The following PNPLA5 variants were observed in gnomAD, a reference collection of about 807,000 sequenced individuals.
PNPLA5 encodes patatin like domain 5, triacylglycerol lipase.
PNPLA5 carries 44 observed loss-of-function variants against 49.1 expected under a neutral mutation model. The ratio of observed to expected loss-of-function variants is 0.90; its 90% CI spans 0.70 to 1.15. PNPLA5 has a LOEUF of 1.15. Among genes scored for constraint, PNPLA5 ranks in the 50% most tolerant of loss-of-function variants. PNPLA5 has a pLI of 0.00. For missense variants in PNPLA5, 603 were observed against 564.0 expected, an observed-to-expected ratio of 1.07 and a Z score of -0.70; for synonymous variants, 243 against 244.4, an observed-to-expected ratio of 0.99 and a Z score of 0.06.
chr22:43,884,489 G>T, intron 6 of PNPLA5, 144 bp from the exon 7 acceptor site: 1 of 1,191,166 alleles, frequency 8.4e-7, no homozygotes, highest in Non-Finnish European at 1.1e-6. Context: ...CCCCACCACA[G>T]GCCAGCAGGT....
intron 2 of PNPLA5, among the ~76,000 whole-genome samples, chr22:43,890,545 A>T (rs1228633956): frequency 1.3e-5 from 2 of 152,176 alleles, no homozygotes; most frequent in Non-Finnish European, 2.9e-5. Context: ...ATTTCATTTC[A>T]ATACTGGATG....
At chr22:43,887,789 G>A (rs2049681085) in intron 4 of PNPLA5, 138 bp from the exon 5 acceptor site, 2 of 1,411,494 alleles carry the variant, frequency 1.4e-6, no homozygotes, top group African/African-American at 1.5e-5. Context: ...ATTCAACAGG[G>A]CTCAGGGCAG....
intron 5 of PNPLA5, 29 bp from the exon 6 acceptor site, chr22:43,886,517 C>A: frequency 1.3e-6 from 2 of 1,590,422 alleles, no homozygotes; most frequent in South Asian, 1.1e-5. Context: ...GAGGATAAGT[C>A]AAGCATCTGA....
rs1337689613 is a variant in PNPLA5, at chr22:43,891,716, T to C, written c.165A>G (p.Ala55=). 3 of 1,547,914 alleles carry C rather than the reference T, an allele frequency of 1.9e-6. No individual in the cohort carries two copies. The highest frequency in any genetic ancestry group is 1.2e-5 in the South Asian group (1 of 83,884). ...IYGSSSGALN[A]VSIVCGKSVD... ...CCGACTTGCCGCAGACGATGCTGAC[T>C]GCGTTGAGCGCCCCAGACGAGGAAC... Residue 55 remains alanine (A), a synonymous_variant, in exon 1 of 9, where the codon GCA becomes GCG. Coordinates refer to ENST00000216177, the MANE Select transcript of PNPLA5 (RefSeq NM_138814.4).
intron 7 of PNPLA5, 59 bp downstream of exon 7, chr22:43,884,154 A>G: frequency 1.9e-6 from 2 of 1,045,368 alleles, no homozygotes; most frequent in Non-Finnish European, 2.5e-6. Flanking sequence ...CCCTCCTGCC[A>G]TGGGCACCAG....
In PNPLA5 at chr22:43,879,710, G is replaced by A. The variant is rs755884917; in HGVS notation, c.*1085C>T. 2.0e-5 allele frequency: 3 copies of A among 152,130 alleles called. No homozygotes were observed. Among genetic ancestry groups the A allele is most frequent in the African/African-American group, 4.8e-5 (2 of 41,420 alleles). 9.4% of individuals were successfully genotyped at this position (152,130 alleles called of 1,614,324 possible). A position where few individuals can be genotyped will look rare whatever the true frequency, so the allele number is the denominator to read the frequency against. ...CTTATTGTCTCTTTATTTATTTAGA[G>A]ACAGGGGCTCACTTTGTTGCCTGGG... On this transcript the variant is annotated 3_prime_UTR_variant, in exon 9 of 9. Transcript: ENST00000216177.
Position 43,891,753 on chromosome 22 carries a change from CG to C in PNPLA5, c.127del (p.Arg43AlafsTer39). 6.5e-7 allele frequency: 1 copy of C among 1,541,892 alleles called. No homozygotes were observed. The highest frequency in any genetic ancestry group is 8.7e-7 in the Non-Finnish European group (1 of 1,144,146). On this transcript the variant is annotated frameshift_variant, in exon 1 of 9. Transcript: ENST00000216177. LOFTEE classifies it high-confidence loss of function. Reference sequence around the variant, plus strand: ...CCCAGACGAGGAACCGTAGATGCGGCGGGCGCCCTGGAGGAGGCGCGGGGCT... The same window carrying C: ...CCCAGACGAGGAACCGTAGATGCGGCGGCGCCCTGGAGGAGGCGCGGGGCT... ...QRAPRLLQGA[R>X]RIYGSSSGAL...
chr22:43,884,269 CGTCAGCACCT>C lies in PNPLA5; in HGVS notation c.1016_1025del (p.Gln339ArgfsTer39). ...GCAGTGTGCAGGGTAGCAGCAGGTACGTCAGCACCTGTCCAGGCCCCGAGTGCCAGAAGCG... is the reference window on the plus strand; with the variant it reads ...GCAGTGTGCAGGGTAGCAGCAGGTACGTCCAGGCCCCGAGTGCCAGAAGCG... On this transcript the variant is annotated frameshift_variant, in exon 7 of 9. Transcript: ENST00000216177. LOFTEE classifies it high-confidence loss of function. The C allele has an allele frequency of 6.3e-7, 1 of 1,598,144 alleles. No individual in the cohort carries two copies. Among genetic ancestry groups the C allele is most frequent in the Non-Finnish European group, 8.5e-7 (1 of 1,172,186 alleles).
Position 43,891,178 on chromosome 22 carries a change from G to A in PNPLA5, c.310C>T (p.Leu104=). 1.3e-6 allele frequency: 2 copies of A among 1,597,682 alleles called. No individual in the cohort carries two copies. The highest frequency in any genetic ancestry group is 1.3e-5 in the African/African-American group (1 of 74,820). Reference sequence around the variant, plus strand: ...GCCAGGACGTGGGCGTCGGGGGGCAGAGCATCCTGCAGCTGCTGCTTGACG... The same window carrying A: ...GCCAGGACGTGGGCGTCGGGGGGCAAAGCATCCTGCAGCTGCTGCTTGACG... ...EHVKQQLQDA[L]PPDAHVLASQ... The change falls in exon 2 of 9, where the codon CTG becomes TTG. Residue 104 remains leucine, a synonymous_variant. Transcript: ENST00000216177.
At chr22:43,891,037 G>A (rs762263220) in intron 2 of PNPLA5, 25 bp downstream of exon 2, 2 of 1,592,918 alleles carry the variant, frequency 1.3e-6, no homozygotes, top group East Asian at 2.3e-5. Flanking sequence ...CACCAGCCAA[G>A]CCCTGGGCAC....
At chr22:43,890,489 A>C (rs2049711509) in intron 2 of PNPLA5, among the ~76,000 whole-genome samples, 2 of 152,222 alleles carry the variant, frequency 1.3e-5, no homozygotes, top group Non-Finnish European at 1.5e-5. Context: ...ACTATTGGCA[A>C]ATAATAGTGT....
Position 43,891,153 on chromosome 22 carries a change from G to T in PNPLA5, c.335C>A (p.Ala112Asp), listed in dbSNP as rs1452198808. 1 of 1,603,186 alleles carries T rather than the reference G, an allele frequency of 6.2e-7. No homozygotes were observed. Among genetic ancestry groups the T allele is most frequent in the East Asian group, 2.3e-5 (1 of 44,252 alleles). Residue 112 changes from alanine to aspartate, a missense_variant, in exon 2 of 9, where the codon GCC becomes GAC. Ala to Asp is a moderately radical substitution (Grantham distance 126). Coordinates refer to ENST00000216177, the MANE Select transcript of PNPLA5 (RefSeq NM_138814.4). ...CAGCGAAATGCCCAGCCGCTGGGAGGCCAGGACGTGGGCGTCGGGGGGCAG... is the reference window on the plus strand; with the variant it reads ...CAGCGAAATGCCCAGCCGCTGGGAGTCCAGGACGTGGGCGTCGGGGGGCAG... Reference protein sequence around the residue: ...DALPPDAHVLASQRLGISLTR... With the variant: ...DALPPDAHVLDSQRLGISLTR...
In PNPLA5 at chr22:43,880,863, C is replaced by T. The variant is rs202194830; in HGVS notation, c.1222G>A (p.Glu408Lys). 5.2e-6 allele frequency: 7 copies of T among 1,338,388 alleles called. No homozygotes were observed. Among genetic ancestry groups the T allele is most frequent in the Non-Finnish European group, 6.8e-6 (7 of 1,036,734 alleles). The allele number at this position is 1,338,388 out of a possible 1,614,324, so 82.9% of individuals were successfully genotyped here. A position where few individuals can be genotyped will look rare whatever the true frequency, so the allele number is the denominator to read the frequency against. Residue 408 changes from glutamate to lysine, a missense_variant, in exon 9 of 9, where the codon GAA (glutamate) becomes AAA (lysine). Physicochemically the swap from Glu to Lys is moderately conservative, Grantham distance 56 (BLOSUM62 1). Coordinates refer to ENST00000216177, the MANE Select transcript of PNPLA5 (RefSeq NM_138814.4). Reference protein sequence around the residue: ...PISPPATRVLETSPLQPQIAP... With the variant: ...PISPPATRVLKTSPLQPQIAP... ...ATCTGGGGTTGGAGGGGGCTTGTTT[C>T]CAGGACGCGAGTGGCCGGAGGGCTG... is the stretch of plus-strand genomic sequence containing the variant.
intron 2 of PNPLA5, 22 bp downstream of exon 2, chr22:43,891,040 C>T: frequency 1.3e-6 from 2 of 1,595,248 alleles, no homozygotes; most frequent in Non-Finnish European, 1.7e-6. Context: ...CAGCCAAGCC[C>T]TGGGCACCCC....
In PNPLA5 at chr22:43,880,474, G is replaced by A. The variant is rs377320017; in HGVS notation, c.*321C>T. The A allele has an allele frequency of 7.5e-6, 3 of 398,702 alleles. No individual in the cohort carries two copies. Among genetic ancestry groups the A allele is most frequent in the Admixed American group, 4.4e-5 (1 of 22,714 alleles). 24.7% of individuals were successfully genotyped at this position (398,702 alleles called of 1,614,324 possible). On this transcript the variant is annotated 3_prime_UTR_variant, in exon 9 of 9. Transcript: ENST00000216177. ...TGAGGTGCTCCGTGGGCAGCTCCAC[G>A]GCAGAACAGGAGCCCCTCTCCCCAG...
At chr22:43,891,389 G>A (rs1225956490) in intron 1 of PNPLA5, 95 bp from the exon 2 acceptor site, 47 of 1,441,398 alleles carry the variant, frequency 3.3e-5, no homozygotes, top group Non-Finnish European at 3.9e-5. Context: ...GTGGGAGCGG[G>A]GTCCTCCCCA....
At position 43,889,466 on chromosome 22, in the gene PNPLA5, A is replaced by C; in HGVS notation, c.565T>G (p.Phe189Val). ...GGGCAGATGTCCACTGTCCCATGGA[A>C]GGGCGACACCGTGATGGTGGAGGGG... is the stretch of plus-strand genomic sequence containing the variant. Reference protein sequence around the residue: ...DCPSTITVSPFHGTVDICPQS... With the variant: ...DCPSTITVSPVHGTVDICPQS... The change falls in exon 4 of 9, where the codon TTC (phenylalanine) becomes GTC (valine). Residue 189 changes from phenylalanine (F) to valine (V), a missense_variant. By Grantham distance (50) the Phe-to-Val change is conservative (BLOSUM62 -1). Coordinates refer to ENST00000216177, the MANE Select transcript of PNPLA5 (RefSeq NM_138814.4). 1 of 1,613,892 alleles carries C rather than the reference A, an allele frequency of 6.2e-7. No homozygotes were observed. Among genetic ancestry groups the C allele is most frequent in the Middle Eastern group, 1.7e-4 (1 of 6,060 alleles).
At chr22:43,884,590 C>G (rs981236463) in intron 6 of PNPLA5, among the ~76,000 whole-genome samples, 1 of 152,152 alleles carries the variant, frequency 6.6e-6, no homozygotes. Context: ...AGTGACTTGC[C>G]TAAGGACCAT....
At chr22:43,886,826 T>C (rs1225242981) in intron 5 of PNPLA5, among the ~76,000 whole-genome samples, 2 of 152,218 alleles carry the variant, frequency 1.3e-5, no homozygotes, top group Admixed American at 6.5e-5. Flanking sequence ...CTTTATACAG[T>C]TACTCTGAGA....
Sources: gnomAD v4.1 joint callset for allele counts (sites outside exome capture counted in the v4.1 genomes callset) on GRCh38, gnomAD v4.1.1 for gene constraint, MANE v1.5 for transcripts, NCBI Gene and HGNC (gene_info 2026-07-23, HGNC 2026-07-21) for gene names.